Variants in RASGRF2 observed in about 807,000 individuals in gnomAD.
The protein encoded by RASGRF2 is ras-specific guanine nucleotide-releasing factor 2.
Under a neutral mutation model 151.0 loss-of-function variants are expected in RASGRF2, and 76 were observed. That is an observed-to-expected ratio of 0.50 (90% CI 0.42 to 0.61). The LOEUF is 0.61. Ranked by LOEUF, RASGRF2 falls within the 20% of genes least tolerant of loss-of-function variation. The pLI, the probability that RASGRF2 is intolerant of heterozygous loss-of-function variation, is 0.00. For synonymous variants in RASGRF2, 504 were observed against 566.5 expected (o/e 0.89, Z 1.57); for missense variants, 1,148 against 1,564.6 (o/e 0.73, Z 4.49).
intron 19 of RASGRF2, among the ~76,000 whole-genome samples, chr5:81,205,876 G>A (rs905087653): frequency 2.0e-5 from 3 of 152,032 alleles, no homozygotes; most frequent in Admixed American, 6.6e-5. Context: ...TCAGCCTCCC[G>A]AGTAGCTGGG....
chr5:81,029,868 A>T (rs964249280), intron 1 of RASGRF2, among the ~76,000 whole-genome samples: 5 of 152,238 alleles, frequency 3.3e-5, no homozygotes, highest in African/African-American at 9.6e-5. Context: ...CTAAAGGAGG[A>T]TGTTTGAACC....
At chr5:81,095,757 T>G (rs1420835937) in intron 12 of RASGRF2, among the ~76,000 whole-genome samples, 1 of 152,194 alleles carries the variant, frequency 6.6e-6, no homozygotes, top group Non-Finnish European at 1.5e-5. Flanking sequence ...TGCTTTTTTT[T>G]GGAAGAGCTT....
intron 12 of RASGRF2, among the ~76,000 whole-genome samples, chr5:81,102,585 C>T (rs1478593378): frequency 6.6e-6 from 1 of 151,740 alleles, no homozygotes; most frequent in Non-Finnish European, 1.5e-5. Context: ...GTCCCAGCTA[C>T]TCAGGAGGCT....
At chr5:81,011,484 G>C (rs1749457730) in intron 1 of RASGRF2, among the ~76,000 whole-genome samples, 1 of 152,188 alleles carries the variant, frequency 6.6e-6, no homozygotes. Context: ...GCTCATGCCT[G>C]TAATCCCAGC....
intron 21 of RASGRF2, 58 bp from the exon 22 acceptor site, chr5:81,208,296 C>T: frequency 1.4e-6 from 2 of 1,428,620 alleles, no homozygotes; most frequent in Non-Finnish European, 2.0e-6. Flanking sequence ...TGTCCAGGAT[C>T]ATAGCCACCA....
intron 1 of RASGRF2, among the ~76,000 whole-genome samples, chr5:80,974,388 G>T (rs949756001): frequency 6.6e-6 from 1 of 152,344 alleles, no homozygotes; most frequent in Admixed American, 6.5e-5. Context: ...CTTCAGCACA[G>T]CTGACACTGA....
chr5:81,219,075 CTTT>C (rs201871275), intron 25 of RASGRF2, among the ~76,000 whole-genome samples: 5 of 130,536 alleles, frequency 3.8e-5, no homozygotes, highest in Admixed American at 1.5e-4. Flanking sequence ...CAGCCAGGTT[CTTT>C]TTTTTTTTTT....
chr5:81,217,291 A>C (rs918590871), intron 24 of RASGRF2, 65 bp from the exon 25 acceptor site: 2 of 1,522,532 alleles, frequency 1.3e-6, no homozygotes, highest in Non-Finnish European at 1.8e-6. Context: ...TCCTTTGTTT[A>C]ATTTGGGGAG....
chr5:80,983,474 T>C (rs1193678209), intron 1 of RASGRF2, among the ~76,000 whole-genome samples: 1 of 152,214 alleles, frequency 6.6e-6, no homozygotes, highest in African/African-American at 2.4e-5. Flanking sequence ...GATGTCTCTA[T>C]CTGAGGGCAT....
intron 22 of RASGRF2, among the ~76,000 whole-genome samples, chr5:81,211,276 G>A (rs1026517502): frequency 1.6e-4 from 24 of 151,620 alleles, no homozygotes; most frequent in Admixed American, 2.6e-4. Context: ...TTTGTGTTTC[G>A]CTGCATGGCA....
intron 2 of RASGRF2, among the ~76,000 whole-genome samples, chr5:81,062,906 T>C (rs980534108): frequency 6.6e-6 from 1 of 152,218 alleles, no homozygotes; most frequent in African/African-American, 2.4e-5. Context: ...TGTCTTGTCC[T>C]GGTACTTGGT....
rs1756020861 is a variant in RASGRF2 at position 81,227,324 on chromosome 5, C to T, written c.*1554C>T. On this transcript the variant is annotated 3_prime_UTR_variant, in exon 27 of 27. Transcript: ENST00000265080. ...ATGTACACTTTCTGCACGGTAAGTG[C>T]CATCTCTGTATGTAACTATATAGTG... The T allele has an allele frequency of 6.6e-6, 1 of 152,172 alleles. No individual in the cohort carries two copies. Among genetic ancestry groups the T allele is most frequent in the African/African-American group, 2.4e-5 (1 of 41,434 alleles). 9.4% of individuals were successfully genotyped at this position (152,172 alleles called of 1,614,324 possible). A position where few individuals can be genotyped will look rare whatever the true frequency, so the allele number is the denominator to read the frequency against.
In RASGRF2 at chr5:81,090,858, C is replaced by T. The variant is rs374620768; in HGVS notation, c.1391-1943C>T. Among the ~76,000 whole-genome samples the T allele has an allele frequency of 8.6e-4, 131 of 152,188 alleles. 2 individuals carry two copies. In the South Asian group the frequency reaches 0.026, roughly 30 times the overall value. On this transcript the variant is annotated intron_variant, in intron 9 of 26. Coordinates refer to ENST00000265080, the MANE Select transcript of RASGRF2 (RefSeq NM_006909.3). ...CTAAATTGCTAGAAGCATTTACTAACGAACACATTATTATTGAGTTTTCAC... is the reference window on the plus strand; with the variant it reads ...CTAAATTGCTAGAAGCATTTACTAATGAACACATTATTATTGAGTTTTCAC...
intron 2 of RASGRF2, among the ~76,000 whole-genome samples, chr5:81,060,155 A>G (rs899782389): frequency 1.3e-5 from 2 of 152,168 alleles, no homozygotes; most frequent in East Asian, 3.9e-4. Flanking sequence ...TGATCCACAC[A>G]TGACCCACAC....
At chr5:81,185,217 A>G (rs1343959538) in intron 18 of RASGRF2, among the ~76,000 whole-genome samples, 1 of 152,212 alleles carries the variant, frequency 6.6e-6, no homozygotes, top group African/African-American at 2.4e-5. Flanking sequence ...GAAGGTGGGG[A>G]GATGCCTCCT....
chr5:80,987,576 A>G (rs369732031), intron 1 of RASGRF2, among the ~76,000 whole-genome samples: 2 of 152,204 alleles, frequency 1.3e-5, no homozygotes, highest in East Asian at 1.9e-4. Flanking sequence ...CACATGATGC[A>G]TGCTTGTGGG....
chr5:81,031,725 T>C (rs1561565862), intron 1 of RASGRF2, among the ~76,000 whole-genome samples: 1 of 151,804 alleles, frequency 6.6e-6, no homozygotes, highest in African/African-American at 2.4e-5. Context: ...CACCCTAACA[T>C]CACAATTAAA....
intron 1 of RASGRF2, among the ~76,000 whole-genome samples, chr5:81,027,747 A>C (rs961886045): frequency 6.6e-6 from 1 of 152,250 alleles, no homozygotes; most frequent in Admixed American, 6.5e-5. Flanking sequence ...CATTTCTGCT[A>C]TGCGAAACCT....
In RASGRF2 at chr5:81,219,552, C is replaced by T. The variant is rs1580416345; in HGVS notation, c.3553-158C>T. On this transcript the variant is annotated intron_variant, in intron 25 of 26. Transcript: ENST00000265080. ...TGTGCCTCCTTGAGAGTCAAGAAAG[C>T]ACCAACCATAGGGAATGGTCAGGCA... The T allele has an allele frequency of 5.5e-6, 3 of 547,072 alleles. No homozygotes were observed. In the East Asian group the frequency reaches 9.6e-5, roughly 18 times the overall value. 33.9% of individuals were successfully genotyped at this position (547,072 alleles called of 1,614,324 possible).
Sources: allele counts gnomAD v4.1 joint callset (sites outside exome capture counted in the v4.1 genomes callset), GRCh38; gene constraint gnomAD v4.1.1; transcripts MANE v1.5; gene names NCBI Gene and HGNC (gene_info 2026-07-23, HGNC 2026-07-21).